PDE1C: variants seen among roughly 807,000 people sequenced by gnomAD.
PDE1C encodes the protein phosphodiesterase 1C, also known as dual specificity calcium/calmodulin-dependent 3',5'-cyclic nucleotide phosphodiesterase 1C.
In PDE1C, 62 loss-of-function variants were observed where a neutral mutation model predicts 93.1. The ratio of observed to expected loss-of-function variants is 0.67; its 90% CI spans 0.54 to 0.82. The LOEUF is 0.82. Among genes scored for constraint, PDE1C ranks in the 40% least tolerant of loss-of-function variants. The pLI is 0.00. For synonymous variants in PDE1C, 325 were observed against 310.1 expected (o/e 1.05, Z -0.50); for missense variants, 742 against 884.6 (o/e 0.84, Z 2.04).
At chr7:31,741,360 C>A in the PDE1C span, among the ~76,000 whole-genome samples, 1 of 151,980 alleles carries the variant, frequency 6.6e-6, no homozygotes. Context: ...AATCCTTTAC[C>A]ATATTTTAAC....
intron 3 of PDE1C, among the ~76,000 whole-genome samples, chr7:32,076,972 C>T (rs538153622): frequency 1.4e-3 from 206 of 150,482 alleles, no homozygotes; most frequent in Admixed American, 3.9e-3. Flanking sequence ...CACAGTGGCT[C>T]ACGCCTGTAA....
At chr7:32,223,448 A>G (rs1807027798) in intron 1 of PDE1C, among the ~76,000 whole-genome samples, 1 of 152,170 alleles carries the variant, frequency 6.6e-6, no homozygotes, top group Non-Finnish European at 1.5e-5. Flanking sequence ...TAGCAAGTAA[A>G]TGGCCCTATC....
At chr7:31,644,587 C>T in the PDE1C span, among the ~76,000 whole-genome samples, 1 of 152,290 alleles carries the variant, frequency 6.6e-6, no homozygotes, top group Non-Finnish European at 1.5e-5. Context: ...TTTTGGTCTA[C>T]CTTTGCTGAG....
intron 1 of PDE1C, among the ~76,000 whole-genome samples, chr7:32,374,242 G>GA (rs1163320222): frequency 1.7e-3 from 198 of 114,630 alleles, no homozygotes; most frequent in African/African-American, 6.1e-3. Context: ...AAGAAAGAAG[G>GA]AAGGAAAGGA....
In PDE1C at chr7:32,237,767, T is replaced by TATATATAC. The variant is rs1252747319; in HGVS notation, c.86-28229_86-28228insGTATATAT. On this transcript the variant is annotated intron_variant, in intron 1 of 18. Coordinates refer to the PDE1C transcript ENST00000396193. ...GTATATATATATATATATATACTTT[T>TATATATAC]TTTTTTTTTTTTTTTTTTTTTAGAC... 4.6e-3 allele frequency among the ~76,000 whole-genome samples: 186 copies of TATATATAC among 40,258 alleles called. 1 individual carries two copies. The highest frequency in any genetic ancestry group is 8.7e-3 in the African/African-American group (97 of 11,200). The allele number at this position is 40,258 out of a possible 152,430, so 26.4% of individuals were successfully genotyped here.
the PDE1C span, among the ~76,000 whole-genome samples, chr7:31,647,009 CAAAGA>C: frequency 6.6e-6 from 1 of 152,228 alleles, no homozygotes; most frequent in Non-Finnish European, 1.5e-5. Context: ...AAAATACACT[CAAAGA>C]AAACAATTCA....
chr7:32,073,005 T>A (rs1038391887), upstream of PDE1C, among the ~76,000 whole-genome samples: 1 of 152,224 alleles, frequency 6.6e-6, no homozygotes, highest in African/African-American at 2.4e-5. Context: ...AATGCTGAAT[T>A]CACATTTTAA....
At chr7:32,373,172 C>A (rs760903303) in intron 1 of PDE1C, among the ~76,000 whole-genome samples, 5 of 152,128 alleles carry the variant, frequency 3.3e-5, no homozygotes, top group Non-Finnish European at 7.3e-5. Context: ...ATGTTCACAG[C>A]AGCATTACTC....
intron 2 of PDE1C, among the ~76,000 whole-genome samples, chr7:32,186,969 T>C (rs1334965051): frequency 6.6e-6 from 1 of 152,238 alleles, no homozygotes; most frequent in African/African-American, 2.4e-5. Context: ...TTCTGCTTTT[T>C]AGAAAGTTGA....
chr7:31,653,861 T>A, the PDE1C span, among the ~76,000 whole-genome samples: 4 of 152,150 alleles, frequency 2.6e-5, no homozygotes, highest in Admixed American at 6.5e-5. Context: ...CAGACAGCCC[T>A]GGTTGAGGAA....
chr7:31,696,629 T>A, the PDE1C span, among the ~76,000 whole-genome samples: 1 of 152,300 alleles, frequency 6.6e-6, no homozygotes, highest in East Asian at 1.9e-4. Context: ...AAACTTGGGC[T>A]CAACTGCTCT....
intron 1 of PDE1C, among the ~76,000 whole-genome samples, chr7:32,234,042 T>C (rs1358738815): frequency 6.6e-6 from 1 of 152,030 alleles, no homozygotes; most frequent in African/African-American, 2.4e-5. Flanking sequence ...AAAACACTTA[T>C]AAATAATCTA....
At chr7:31,912,206 G>A (rs1801328729) in intron 2 of PDE1C, among the ~76,000 whole-genome samples, 1 of 152,126 alleles carries the variant, frequency 6.6e-6, no homozygotes, top group Non-Finnish European at 1.5e-5. Flanking sequence ...TAAGAAGAGA[G>A]AATTCTACTT....
chr7:32,365,271 G>C (rs910439211), intron 1 of PDE1C, among the ~76,000 whole-genome samples: 2 of 152,120 alleles, frequency 1.3e-5, no homozygotes, highest in African/African-American at 4.8e-5. Context: ...CTCCAAGCTA[G>C]CCAAGCAGCC....
intron 7 of PDE1C, among the ~76,000 whole-genome samples, chr7:31,864,703 C>T (rs1000516266): frequency 6.6e-6 from 1 of 152,034 alleles, no homozygotes; most frequent in Non-Finnish European, 1.5e-5. Context: ...TGGTTATAAC[C>T]CAGTGAAGAC....
intron 2 of PDE1C, among the ~76,000 whole-genome samples, chr7:32,035,530 A>T (rs1584538863): frequency 6.6e-6 from 1 of 152,310 alleles, no homozygotes; most frequent in Non-Finnish European, 1.5e-5. Flanking sequence ...AATCAATACC[A>T]ATGGTATAAA....
intron 3 of PDE1C, among the ~76,000 whole-genome samples, chr7:32,158,277 C>T (rs923353105): frequency 1.3e-5 from 2 of 152,138 alleles, no homozygotes; most frequent in Admixed American, 1.3e-4. Context: ...AGTACTTGAG[C>T]CTCGTTGCCC....
At chr7:31,658,619 G>A in the PDE1C span, 1 of 261,424 alleles carries the variant, frequency 3.8e-6, no homozygotes, top group Non-Finnish European at 7.1e-6. Context: ...TAAAAGCCTT[G>A]TTAAATTGTT....
intron 3 of PDE1C, among the ~76,000 whole-genome samples, chr7:32,153,856 T>A (rs57075899): frequency 6.6e-6 from 1 of 152,116 alleles, no homozygotes; most frequent in African/African-American, 2.4e-5. Context: ...TTTAGGTGGA[T>A]TCCTCTCTCT....
Sources: gnomAD v4.1 joint callset for allele counts (sites outside exome capture counted in the v4.1 genomes callset) on GRCh38, gnomAD v4.1.1 for gene constraint, MANE v1.5 for transcripts, NCBI Gene and HGNC (gene_info 2026-07-23, HGNC 2026-07-21) for gene names.